The following SLC45A4 variants were observed in gnomAD, a reference collection of about 807,000 sequenced individuals.
SLC45A4 encodes polyamine-transporter SLC45A4.
SLC45A4 carries 32 observed loss-of-function variants against 63.7 expected under a neutral mutation model. The observed-to-expected ratio is 0.50, with a 90% CI of 0.38 to 0.67. The LOEUF (loss-of-function observed/expected upper bound fraction) is 0.67. Among genes scored for constraint, SLC45A4 ranks in the 30% least tolerant of loss-of-function variants. The probability of loss-of-function intolerance (pLI) is 0.00; values close to 1 mark genes in which losing one functional copy is unlikely to be tolerated. For synonymous variants in SLC45A4, 535 were observed against 510.0 expected, an observed-to-expected ratio of 1.05 and a Z score of -0.66; for missense variants, 1,027 against 1,157.7, an observed-to-expected ratio of 0.89 and a Z score of 1.64.
chr8:141,254,825 G>A lies in SLC45A4; in HGVS notation c.-400-196C>T, dbSNP rs1242949889. 7.8e-6 allele frequency: 4 copies of A among 513,336 alleles called. No homozygotes were observed. The highest frequency in any genetic ancestry group is 2.5e-5 in the Admixed American group (1 of 40,304). The allele number at this position is 513,336 out of a possible 1,614,324, so 31.8% of individuals were successfully genotyped here. A position where few individuals can be genotyped will look rare whatever the true frequency, so the allele number is the denominator to read the frequency against. On this transcript the variant is annotated intron_variant, in intron 1 of 8. Coordinates refer to ENST00000517878, the MANE Select transcript of SLC45A4 (RefSeq NM_001286646.2). This position sits in a 1 kb window ranked among gnomAD's most constrained non-coding sequence, Gnocchi z 4.5. ...TTTCTAGAAAAACATTTTCTCATAC[G>A]AAAGTGAATCCTGGGGAAGGACAAA...
chr8:141,305,907 C>T (rs1830884968), intron 1 of SLC45A4, among the ~76,000 whole-genome samples: 1 of 152,178 alleles, frequency 6.6e-6, no homozygotes, highest in South Asian at 2.1e-4. Flanking sequence ...GGGGAGCTGC[C>T]GCTGCCGCAG....
At chr8:141,242,559 G>A (rs1827965175) in intron 2 of SLC45A4, among the ~76,000 whole-genome samples, 1 of 152,146 alleles carries the variant, frequency 6.6e-6, no homozygotes, top group African/African-American at 2.4e-5. Context: ...AGAGCCTGAG[G>A]GTCTCATGAG....
intron 1 of SLC45A4, among the ~76,000 whole-genome samples, chr8:141,263,501 C>G (rs1589829244): frequency 6.6e-6 from 1 of 151,926 alleles, no homozygotes; most frequent in Non-Finnish European, 1.5e-5. Context: ...GGCGCAGTGG[C>G]TCATGCCTGT....
At chr8:141,290,385 C>A (rs559297089) in intron 1 of SLC45A4, among the ~76,000 whole-genome samples, 8 of 152,318 alleles carry the variant, frequency 5.3e-5, no homozygotes, top group African/African-American at 1.9e-4. Flanking sequence ...GCCACTCCAA[C>A]GCTGCCAAGT....
intron 6 of SLC45A4, among the ~76,000 whole-genome samples, chr8:141,216,461 G>C (rs1244108751): frequency 6.6e-6 from 1 of 152,232 alleles, no homozygotes; most frequent in Non-Finnish European, 1.5e-5. Flanking sequence ...AAAGTGCTCT[G>C]CTGAGAATTC....
intron 2 of SLC45A4, among the ~76,000 whole-genome samples, chr8:141,236,672 C>T (rs1029129687): frequency 2.6e-5 from 4 of 152,224 alleles, no homozygotes; most frequent in Admixed American, 2.0e-4. Context: ...ATACTGATTG[C>T]TTTTAATGGC....
At chr8:141,228,486 TCTTCACTGGCAGGCAC>T (rs1482939422) in intron 2 of SLC45A4, 1 of 1,335,998 alleles carries the variant, frequency 7.5e-7, no homozygotes, top group Non-Finnish European at 9.7e-7. Flanking sequence ...TGGGCACCTG[TCTTCACTGGCAGGCAC>T]CTGTCTTCAC....
At chr8:141,241,567 CAAAGAAAA>C (rs773396165) in intron 2 of SLC45A4, among the ~76,000 whole-genome samples, 2 of 151,050 alleles carry the variant, frequency 1.3e-5, no homozygotes, top group African/African-American at 2.4e-5. Flanking sequence ...ACAATACAGT[CAAAGAAAA>C]AAAAAAGAAA....
intron 2 of SLC45A4, among the ~76,000 whole-genome samples, chr8:141,241,601 G>C (rs1412964777): frequency 1.3e-5 from 2 of 152,122 alleles, no homozygotes; most frequent in African/African-American, 4.8e-5. Context: ...CTTCCCTTTT[G>C]AGTCAGGTCT....
chr8:141,231,012 C>T (rs561447072), intron 2 of SLC45A4, among the ~76,000 whole-genome samples: 29 of 152,360 alleles, frequency 1.9e-4, no homozygotes, highest in Non-Finnish European at 2.6e-4. Flanking sequence ...TCCCCCACCC[C>T]GCCCGGCCTC....
chr8:141,306,153 G>A (rs2154615540), intron 1 of SLC45A4, among the ~76,000 whole-genome samples: 1 of 152,248 alleles, frequency 6.6e-6, no homozygotes, highest in East Asian at 1.9e-4. Context: ...ATCTCGGCAG[G>A]GCAGCAGGCC....
intron 2 of SLC45A4, among the ~76,000 whole-genome samples, chr8:141,222,663 C>T (rs987806900): frequency 3.9e-5 from 6 of 152,230 alleles, no homozygotes; most frequent in African/African-American, 7.2e-5. Context: ...CACCACAGCA[C>T]GGGAACGAGC....
rs1825567387 is a variant in SLC45A4, at chr8:141,207,286, CAG to C, written c.*4284_*4285del. 2 of 152,414 alleles carry C rather than the reference CAG, an allele frequency of 1.3e-5. No homozygotes were observed. The highest frequency in any genetic ancestry group is 6.5e-5 in the Admixed American group (1 of 15,292). 9.4% of individuals were successfully genotyped at this position (152,414 alleles called of 1,614,324 possible). A position where few individuals can be genotyped will look rare whatever the true frequency, so the allele number is the denominator to read the frequency against. Reference sequence around the variant, plus strand: ...CCGCACAGCTGAACCCTGCGCAGGACAGAGGGGCGCGGACAGCAGCGCATGCC... The same window carrying C: ...CCGCACAGCTGAACCCTGCGCAGGACAGGGGCGCGGACAGCAGCGCATGCC... On this transcript the variant is annotated 3_prime_UTR_variant, in exon 9 of 9. Coordinates refer to ENST00000517878, the MANE Select transcript of SLC45A4 (RefSeq NM_001286646.2).
chr8:141,241,224 G>A (rs961774104), intron 2 of SLC45A4, among the ~76,000 whole-genome samples: 1 of 152,292 alleles, frequency 6.6e-6, no homozygotes, highest in Non-Finnish European at 1.5e-5. Flanking sequence ...GGCTCTGCGG[G>A]CAGGCGGAGC....
intron 2 of SLC45A4, among the ~76,000 whole-genome samples, chr8:141,241,954 A>G (rs1827939824): frequency 6.6e-6 from 1 of 152,242 alleles, no homozygotes; most frequent in Admixed American, 6.5e-5. Flanking sequence ...GGGACAAGAC[A>G]AGGGAGTGTA....
At chr8:141,245,730 G>C (rs1417775890) in intron 2 of SLC45A4, among the ~76,000 whole-genome samples, 1 of 152,192 alleles carries the variant, frequency 6.6e-6, no homozygotes, top group East Asian at 1.9e-4. Flanking sequence ...CAGGAGTCAA[G>C]GGCAGGGGGA....
chr8:141,249,000 A>T (rs1828344436), intron 2 of SLC45A4, among the ~76,000 whole-genome samples: 1 of 149,886 alleles, frequency 6.7e-6, no homozygotes, highest in Non-Finnish European at 1.5e-5. Context: ...CCTGGGTGAC[A>T]GAGTGAGACC....
chr8:141,242,698 A>G (rs1827972237), intron 2 of SLC45A4, among the ~76,000 whole-genome samples: 1 of 152,136 alleles, frequency 6.6e-6, no homozygotes, highest in African/African-American at 2.4e-5. Flanking sequence ...GCAGCTTGCC[A>G]CTCCCTGCTC....
At chr8:141,242,459 G>A (rs1229747708) in intron 2 of SLC45A4, among the ~76,000 whole-genome samples, 3 of 152,218 alleles carry the variant, frequency 2.0e-5, no homozygotes, top group East Asian at 1.9e-4. Flanking sequence ...ACCAGTGGGG[G>A]AAGTGCTGTG....
Sources: gnomAD v4.1 joint callset for allele counts (sites outside exome capture counted in the v4.1 genomes callset) on GRCh38, gnomAD v4.1.1 for gene constraint, Gnocchi (gnomAD v3.1) non-coding constraint, MANE v1.5 for transcripts, NCBI Gene and HGNC (gene_info 2026-07-23, HGNC 2026-07-21) for gene names.